Variants in ABLIM2 observed in about 807,000 individuals in gnomAD.
ABLIM2 encodes the protein actin binding LIM protein family member 2.
A neutral mutation model predicts 97.7 loss-of-function variants in ABLIM2; 53 were observed. That is an observed-to-expected ratio of 0.54 (90% CI 0.44 to 0.68). ABLIM2 has a LOEUF of 0.68. Ranked by LOEUF, ABLIM2 falls within the 30% of genes least tolerant of loss-of-function variation. The pLI is 0.00. For missense variants in ABLIM2, 835 were observed against 867.2 expected (o/e 0.96, Z 0.47); for synonymous variants, 361 against 345.8 (o/e 1.04, Z -0.49).
chr4:8,077,546 C>T (rs1474254017), intron 6 of ABLIM2, 82 bp downstream of exon 6: 4 of 1,315,806 alleles, frequency 3.0e-6, no homozygotes, highest in African/African-American at 1.5e-5. Context: ...TGCACAAACA[C>T]ACACAAATCT....
Position 8,019,816 on chromosome 4 carries a change from A to G in ABLIM2, c.1370-145T>C. The G allele has an allele frequency of 1.3e-6, 1 of 791,996 alleles. No homozygotes were observed. The highest frequency in any genetic ancestry group is 2.0e-6 in the Non-Finnish European group (1 of 488,876). The allele number at this position is 791,996 out of a possible 1,614,324, so 49.1% of individuals were successfully genotyped here. A position where few individuals can be genotyped will look rare whatever the true frequency, so the allele number is the denominator to read the frequency against. ...CAGGAACTGGCACCCAGCGAGCGAC[A>G]GACACCCAGGCCCCAGATCAAGCCT... is the stretch of plus-strand genomic sequence containing the variant. On this transcript the variant is annotated intron_variant, in intron 13 of 20. Transcript: ENST00000447017. This position sits in a 1 kb window ranked among gnomAD's most constrained non-coding sequence, Gnocchi z 4.3.
At chr4:8,026,458 G>A (rs1161367202) in intron 12 of ABLIM2, among the ~76,000 whole-genome samples, 3 of 152,262 alleles carry the variant, frequency 2.0e-5, no homozygotes, top group African/African-American at 4.8e-5. Context: ...ACGGAGAGGT[G>A]TGCAGGTCTG....
intron 8 of ABLIM2, among the ~76,000 whole-genome samples, chr4:8,051,170 C>G (rs566352750): frequency 6.6e-6 from 1 of 152,382 alleles, no homozygotes; most frequent in South Asian, 2.1e-4. Flanking sequence ...CCACCCCCCA[C>G]CCCGCCCTTG....
At position 8,069,386 on chromosome 4, in the gene ABLIM2, T is replaced by C. The variant is rs1034171470; in HGVS notation, c.675+8242A>G. Reference sequence around the variant, plus strand: ...GTGGATGTTCACACGCACTGCAGCGTGTCCAGGCTCGGAGGGTCCCACCAC... The same window carrying C: ...GTGGATGTTCACACGCACTGCAGCGCGTCCAGGCTCGGAGGGTCCCACCAC... On this transcript the variant is annotated intron_variant, in intron 6 of 20. Coordinates refer to ENST00000447017, the MANE Select transcript of ABLIM2 (RefSeq NM_001130083.2). This position sits in a 1 kb window ranked among gnomAD's most constrained non-coding sequence, Gnocchi z 4.2. Among the ~76,000 whole-genome samples the C allele has an allele frequency of 5.3e-5, 8 of 152,204 alleles. No homozygotes were observed. Among genetic ancestry groups the C allele is most frequent in the African/African-American group, 1.9e-4 (8 of 41,440 alleles).
rs4696764 is a variant in ABLIM2 at position 8,122,564 on chromosome 4, C to G, written c.11-15927G>C. 0.11 allele frequency among the ~76,000 whole-genome samples: 16,879 copies of G among 152,196 alleles called. 1,187 individuals are homozygous for G. Among genetic ancestry groups the G allele is most frequent in the East Asian group, 0.32 (1,657 of 5,132 alleles). On this transcript the variant is annotated intron_variant, in intron 1 of 20. Coordinates refer to ENST00000447017, the MANE Select transcript of ABLIM2 (RefSeq NM_001130083.2). The surrounding 1 kb of genome is among the most constrained non-coding windows in gnomAD (Gnocchi z 4.1). Reference sequence around the variant, plus strand: ...AGTCCCATCATGAGGACCCCACCCTCACGACCTCATCTAAACCCCATCACC... The same window carrying G: ...AGTCCCATCATGAGGACCCCACCCTGACGACCTCATCTAAACCCCATCACC...
intron 6 of ABLIM2, chr4:8,066,407 AAGGAAGGAAGGAAGGAAGGAAGGG>A (rs1807675707): frequency 7.8e-6 from 1 of 128,112 alleles, no homozygotes; most frequent in Admixed American, 8.2e-5. Context: ...GGAAGGAAGG[AAGGAAGGAAGGAAGGAAGGAAGGG>A]AGGGGTGGTT....
In ABLIM2 at chr4:8,150,437, C is replaced by G. The variant is rs1712256022; in HGVS notation, c.10+8243G>C. Among the ~76,000 whole-genome samples, 1 of 152,198 alleles carries G rather than the reference C, an allele frequency of 6.6e-6. No individual in the cohort carries two copies. Among genetic ancestry groups the G allele is most frequent in the Non-Finnish European group, 1.5e-5 (1 of 68,032 alleles). On this transcript the variant is annotated intron_variant, in intron 1 of 20. Transcript: ENST00000447017. This position sits in a 1 kb window ranked among gnomAD's most constrained non-coding sequence, Gnocchi z 6.3. ...AGCCAGTACAAGGCCCCATCGTGCC[C>G]TGAGGACAGACGCCAGCGAGGACAG...
intron 16 of ABLIM2, chr4:8,007,463 T>C: frequency 1.0e-6 from 1 of 985,530 alleles, no homozygotes; most frequent in African/African-American, 1.7e-5. Flanking sequence ...GAGTGAGCAC[T>C]TGCTACTGGT....
intron 20 of ABLIM2, among the ~76,000 whole-genome samples, chr4:7,969,745 ACACAC>A (rs1726187783): frequency 6.6e-6 from 1 of 151,412 alleles, no homozygotes; most frequent in Admixed American, 6.6e-5. Flanking sequence ...ACACACACAC[ACACAC>A]ACACACACAC....
At position 8,122,431 on chromosome 4, in the gene ABLIM2, T is replaced by C. The variant is rs914810908; in HGVS notation, c.11-15794A>G. Among the ~76,000 whole-genome samples, 2 of 152,212 alleles carry C rather than the reference T, an allele frequency of 1.3e-5. No individual in the cohort carries two copies. Among genetic ancestry groups the C allele is most frequent in the Admixed American group, 1.3e-4 (2 of 15,284 alleles). The stretch of plus-strand genomic sequence containing the variant: ...ACAGTTCTGGAGCCTAAGAGTCTGA[T>C]ATTAGGGCAGCAGCATGCTCGGTCC... On this transcript the variant is annotated intron_variant, in intron 1 of 20. Transcript: ENST00000447017. This position sits in a 1 kb window ranked among gnomAD's most constrained non-coding sequence, Gnocchi z 4.1.
At chr4:8,013,140 G>C (rs1766196089) in intron 14 of ABLIM2, among the ~76,000 whole-genome samples, 1 of 151,130 alleles carries the variant, frequency 6.6e-6, no homozygotes, top group African/African-American at 2.4e-5. Flanking sequence ...ACTTCCCTGA[G>C]AACATGCATG....
chr4:8,117,669 C>T (rs1254222193), intron 1 of ABLIM2, among the ~76,000 whole-genome samples: 1 of 152,204 alleles, frequency 6.6e-6, no homozygotes, highest in Non-Finnish European at 1.5e-5. Flanking sequence ...ACTGCTTCTT[C>T]TCCCATACCC....
intron 10 of ABLIM2, among the ~76,000 whole-genome samples, chr4:8,035,584 A>G (rs1279181852): frequency 6.6e-6 from 1 of 152,218 alleles, no homozygotes; most frequent in Admixed American, 6.5e-5. Context: ...AGCAAAAACC[A>G]ACAAGGCATT....
chr4:8,034,090 C>G (rs34790115), intron 10 of ABLIM2, among the ~76,000 whole-genome samples: 1 of 152,122 alleles, frequency 6.6e-6, no homozygotes, highest in Non-Finnish European at 1.5e-5. Flanking sequence ...ATAGCCAGCA[C>G]ATCCTGTGGT....
Position 8,158,664 on chromosome 4 carries a change from G to C in ABLIM2, c.10+16C>G, listed in dbSNP as rs774836650. ...CAGCGCGGGGACCCGTTGGTCCCTC[G>C]GTCCCCAGCACCCACCTGCACTCAT... is the stretch of plus-strand genomic sequence containing the variant. On this transcript the variant is annotated intron_variant, in intron 1 of 20. Transcript: ENST00000447017. 6.7e-7 allele frequency: 1 copy of C among 1,503,482 alleles called. No individual in the cohort carries two copies. Among genetic ancestry groups the C allele is most frequent in the Admixed American group, 2.1e-5 (1 of 47,628 alleles). 93.1% of individuals were successfully genotyped at this position (1,503,482 alleles called of 1,614,324 possible).
chr4:7,980,938 C>CTTCTTTTTTTTTTTTTT (rs1255215577), intron 20 of ABLIM2, among the ~76,000 whole-genome samples: 1 of 38,496 alleles, frequency 2.6e-5, no homozygotes, highest in East Asian at 6.9e-4. Flanking sequence ...TCCACAACCC[C>CTTCTTTTTTTTTTTTTT]TTATTTTTTT....
intron 17 of ABLIM2, among the ~76,000 whole-genome samples, chr4:7,991,504 C>A (rs1301595687): frequency 6.7e-6 from 1 of 148,906 alleles, no homozygotes; most frequent in Non-Finnish European, 1.5e-5. Context: ...TCCCCAGGAC[C>A]CCTAACATTG....
At chr4:8,106,718 C>T in intron 1 of ABLIM2, 81 bp from the exon 2 acceptor site, 2 of 1,486,506 alleles carry the variant, frequency 1.3e-6, no homozygotes, top group South Asian at 1.4e-5. Flanking sequence ...TGTGAGGACG[C>T]ACAGCTGACC....
rs972720620 is a variant in ABLIM2, at chr4:8,021,654, A to G, written c.1268-1351T>C. On this transcript the variant is annotated intron_variant, in intron 12 of 20. Transcript: ENST00000447017. The surrounding 1 kb of genome is among the most constrained non-coding windows in gnomAD (Gnocchi z 5.5). Reference sequence around the variant, plus strand: ...GGGACCCCACAGTGGACTCGTGAGGAGGGCTCGACAGACACTGGCCCAGAG... The same window carrying G: ...GGGACCCCACAGTGGACTCGTGAGGGGGGCTCGACAGACACTGGCCCAGAG... 1.3e-5 allele frequency among the ~76,000 whole-genome samples: 2 copies of G among 152,200 alleles called. No homozygotes were observed. Among genetic ancestry groups the G allele is most frequent in the Non-Finnish European group, 2.9e-5 (2 of 68,038 alleles).
Sources: allele counts gnomAD v4.1 joint callset (sites outside exome capture counted in the v4.1 genomes callset), GRCh38; gene constraint gnomAD v4.1.1; non-coding constraint Gnocchi (gnomAD v3.1); transcripts MANE v1.5; gene names NCBI Gene and HGNC (gene_info 2026-07-23, HGNC 2026-07-21).